The following DLGAP1 variants were observed in gnomAD, a reference collection of about 807,000 sequenced individuals.
DLGAP1 encodes disks large-associated protein 1.
DLGAP1 carries 11 observed loss-of-function variants against 90.8 expected under a neutral mutation model. That is an observed-to-expected ratio of 0.12 (90% CI 0.08 to 0.20). The LOEUF (loss-of-function observed/expected upper bound fraction) is 0.20. DLGAP1 is among the 10% of genes least tolerant of loss of function. The pLI is 1.00. For missense variants in DLGAP1, 1,050 were observed against 1,333.8 expected (o/e 0.79, Z 3.31); for synonymous variants, 558 against 540.7 (o/e 1.03, Z -0.44).
chr18:3,600,325 G>A (rs867604814), intron 7 of DLGAP1, among the ~76,000 whole-genome samples: 29 of 151,694 alleles, frequency 1.9e-4, no homozygotes, highest in African/African-American at 6.1e-4. Flanking sequence ...GCACGATCTC[G>A]GCTCACTGCA....
intron 2 of DLGAP1, among the ~76,000 whole-genome samples, chr18:4,018,364 G>A (rs960648496): frequency 1.3e-5 from 2 of 152,222 alleles, no homozygotes; most frequent in Admixed American, 6.5e-5. Context: ...GACATTGGAT[G>A]TGGGCTGCCC....
intron 5 of DLGAP1, among the ~76,000 whole-genome samples, chr18:3,795,179 C>G (rs1302063504): frequency 6.6e-6 from 1 of 152,132 alleles, no homozygotes; most frequent in African/African-American, 2.4e-5. Context: ...TCCTAAGTGA[C>G]AGGGGAGATG....
At chr18:3,863,524 C>T (rs1450466808) in intron 4 of DLGAP1, among the ~76,000 whole-genome samples, 2 of 152,224 alleles carry the variant, frequency 1.3e-5, no homozygotes, top group Non-Finnish European at 2.9e-5. Context: ...CTCTGCTCTT[C>T]TCACACCTGG....
Position 4,154,125 on chromosome 18 carries a change from C to T in DLGAP1, c.-266-2838G>A, listed in dbSNP as rs566796914. Among the ~76,000 whole-genome samples the T allele has an allele frequency of 1.9e-4, 29 of 152,028 alleles. No homozygotes were observed. The East Asian group carries it at 3.3e-3, about 17-fold the overall frequency. The stretch of plus-strand genomic sequence containing the variant: ...TCATCCAGGCTGGAGTGCAGTGGTG[C>T]GATCATAGCTCACTGCAGCCTCAAA... On this transcript the variant is annotated intron_variant, in intron 1 of 12. Coordinates refer to ENST00000315677, the MANE Select transcript of DLGAP1 (RefSeq NM_004746.4).
intron 1 of DLGAP1, among the ~76,000 whole-genome samples, chr18:4,376,361 C>T (rs2082014527): frequency 6.6e-6 from 1 of 152,166 alleles, no homozygotes; most frequent in African/African-American, 2.4e-5. Flanking sequence ...GCACAACTCC[C>T]TTTGTGGAAT....
In DLGAP1 at chr18:4,405,753, T is replaced by C. The variant is rs923659495; in HGVS notation, c.-267+49253A>G. On this transcript the variant is annotated intron_variant, in intron 1 of 12. Coordinates refer to ENST00000315677, the MANE Select transcript of DLGAP1 (RefSeq NM_004746.4). Reference sequence around the variant, plus strand: ...CAAAGATGGGTCCAGGGAGTTCACTTAAAACACTAGAATCACTGGTGCCAC... The same window carrying C: ...CAAAGATGGGTCCAGGGAGTTCACTCAAAACACTAGAATCACTGGTGCCAC... Among the ~76,000 whole-genome samples, 4 of 152,246 alleles carry C rather than the reference T, an allele frequency of 2.6e-5. 1 individual carries two copies. The South Asian group carries it at 8.3e-4, about 32-fold the overall frequency.
At chr18:3,631,700 T>C (rs902710246) in intron 7 of DLGAP1, among the ~76,000 whole-genome samples, 3 of 152,268 alleles carry the variant, frequency 2.0e-5, no homozygotes, top group South Asian at 2.1e-4. Context: ...TAAGCCGTGA[T>C]TGCACCACTG....
intron 3 of DLGAP1, among the ~76,000 whole-genome samples, chr18:3,998,572 A>C (rs2074116205): frequency 6.6e-6 from 1 of 152,194 alleles, no homozygotes; most frequent in Non-Finnish European, 1.5e-5. Flanking sequence ...TGAAGGGTTG[A>C]GCACGTTCCA....
At chr18:4,438,961 A>G (rs1318893577) in intron 1 of DLGAP1, among the ~76,000 whole-genome samples, 2 of 152,198 alleles carry the variant, frequency 1.3e-5, no homozygotes, top group African/African-American at 4.8e-5. Context: ...TATGCTACAA[A>G]ACACTGTGGC....
chr18:4,147,572 TCCATCCATCCA>T (rs2144367727), intron 2 of DLGAP1, among the ~76,000 whole-genome samples: 1 of 7,962 alleles, frequency 1.3e-4, no homozygotes, highest in Admixed American at 1.4e-3. Context: ...CATCCATTCT[TCCATCCATCCA>T]TCCATCCATC....
chr18:4,230,595 T>C (rs1282576222), intron 1 of DLGAP1, among the ~76,000 whole-genome samples: 1 of 151,032 alleles, frequency 6.6e-6, no homozygotes. Flanking sequence ...CTTGAGCTCA[T>C]GGAGATAGAA....
intron 5 of DLGAP1, among the ~76,000 whole-genome samples, chr18:3,762,913 G>C (rs1471081849): frequency 6.6e-6 from 1 of 152,186 alleles, no homozygotes; most frequent in East Asian, 1.9e-4. Context: ...TTCAAATGTG[G>C]CTGACAAGTG....
chr18:3,885,028 TAAAAG>T (rs1248067649), intron 3 of DLGAP1, among the ~76,000 whole-genome samples: 1 of 152,230 alleles, frequency 6.6e-6, no homozygotes, highest in Non-Finnish European at 1.5e-5. Context: ...TTTGTGATTA[TAAAAG>T]AAAACACATT....
At chr18:4,312,614 C>A (rs76291923) in intron 1 of DLGAP1, among the ~76,000 whole-genome samples, 1 of 152,152 alleles carries the variant, frequency 6.6e-6, no homozygotes. Flanking sequence ...GGCATCTGTA[C>A]TTCAATTTGG....
At chr18:4,360,691 T>C (rs984378449) in intron 1 of DLGAP1, among the ~76,000 whole-genome samples, 9 of 152,076 alleles carry the variant, frequency 5.9e-5, no homozygotes, top group African/African-American at 2.2e-4. Flanking sequence ...CAAAAAAGTG[T>C]GTTTAGGCCA....
chr18:4,206,982 A>G (rs2077733226), intron 1 of DLGAP1, among the ~76,000 whole-genome samples: 1 of 152,208 alleles, frequency 6.6e-6, no homozygotes, highest in African/African-American at 2.4e-5. Flanking sequence ...AAGTTACAGA[A>G]GAGAAAGGAT....
intron 5 of DLGAP1, among the ~76,000 whole-genome samples, chr18:3,786,406 C>T (rs569875466): frequency 1.4e-4 from 21 of 152,232 alleles, no homozygotes; most frequent in Middle Eastern, 3.4e-3. Flanking sequence ...TAGAAATAAA[C>T]CTGTTAAAAT....
At chr18:4,115,478 C>CTT (rs1172557932) in intron 2 of DLGAP1, among the ~76,000 whole-genome samples, 3 of 47,180 alleles carry the variant, frequency 6.4e-5, no homozygotes, top group Non-Finnish European at 1.3e-4. Flanking sequence ...CATTTTCTTC[C>CTT]TTTCTTTCTT....
intron 1 of DLGAP1, among the ~76,000 whole-genome samples, chr18:4,412,602 T>A (rs2144622140): frequency 6.6e-6 from 1 of 152,244 alleles, no homozygotes; most frequent in East Asian, 1.9e-4. Flanking sequence ...TAAAGTTTAA[T>A]AAGGAACAGC....
Sources: allele counts gnomAD v4.1 joint callset (sites outside exome capture counted in the v4.1 genomes callset), GRCh38; gene constraint gnomAD v4.1.1; transcripts MANE v1.5; gene names NCBI Gene and HGNC (gene_info 2026-07-23, HGNC 2026-07-21).